Variants in MARCKSL1 observed in about 807,000 individuals in gnomAD.
MARCKSL1 encodes MARCKS like 1, also known as MARCKS-related protein.
A neutral mutation model predicts 13.3 loss-of-function variants in MARCKSL1; 5 were observed. The ratio of observed to expected loss-of-function variants is 0.38; its 90% CI spans 0.20 to 0.79. The LOEUF is 0.79. MARCKSL1 is among the 30% of genes least tolerant of loss of function. The pLI is 0.45. For synonymous variants in MARCKSL1, 126 were observed against 103.2 expected, an observed-to-expected ratio of 1.22 and a Z score of -1.34; for missense variants, 274 against 251.6, an observed-to-expected ratio of 1.09 and a Z score of -0.60.
Position 32,336,108 on chromosome 1 carries a change from C to T in MARCKSL1, c.-75G>A, listed in dbSNP as rs1419811289. ...AGGGGATAGTACGGCGGGGTCGGCC[C>T]GGCCGGCGGAGGGGTGGGGCTGGCG... On this transcript the variant is annotated 5_prime_UTR_variant, in exon 1 of 2. Transcript: ENST00000329421. The T allele has an allele frequency of 5.1e-5, 21 of 409,602 alleles. No individual in the cohort carries two copies. In the South Asian group the frequency reaches 6.1e-4, roughly 12 times the overall value. 25.4% of individuals were successfully genotyped at this position (409,602 alleles called of 1,614,324 possible). A position where few individuals can be genotyped will look rare whatever the true frequency, so the allele number is the denominator to read the frequency against.
chr1:32,335,862 G>T lies in MARCKSL1; in HGVS notation c.87+85C>A. The T allele has an allele frequency of 4.2e-6, 3 of 720,620 alleles. No individual in the cohort carries two copies. Among genetic ancestry groups the T allele is most frequent in the Non-Finnish European group, 5.7e-6 (3 of 529,122 alleles). 44.6% of individuals were successfully genotyped at this position (720,620 alleles called of 1,614,324 possible). On this transcript the variant is annotated intron_variant, in intron 1 of 1. Coordinates refer to ENST00000329421, the MANE Select transcript of MARCKSL1 (RefSeq NM_023009.7). The surrounding 1 kb of genome is among the most constrained non-coding windows in gnomAD (Gnocchi z 4.1). ...CCGCGTGTCCCGGGCCGGACAAAGC[G>T]CGCGGCCCCGGCCCCGGCCCCGGGC...
Position 32,336,198 on chromosome 1 carries a change from T to C in MARCKSL1, c.-165A>G, listed in dbSNP as rs1249745704. 2 of 336,786 alleles carry C rather than the reference T, an allele frequency of 5.9e-6. No individual in the cohort carries two copies. Among genetic ancestry groups the C allele is most frequent in the African/African-American group, 2.2e-5 (1 of 46,124 alleles). 20.9% of individuals were successfully genotyped at this position (336,786 alleles called of 1,614,324 possible). A position where few individuals can be genotyped will look rare whatever the true frequency, so the allele number is the denominator to read the frequency against. ...TCCGCTCCGCGGCCGACCCGCTAGC[T>C]GCGCCCGCCGCCGCTCCGCTCCGCG... On this transcript the variant is annotated 5_prime_UTR_variant, in exon 1 of 2. Transcript: ENST00000329421.
Position 32,335,968 on chromosome 1 carries a change from G to A in MARCKSL1, c.66C>T (p.Ser22=). The change falls in exon 1 of 2, where the codon TCC becomes TCT. Residue 22 remains serine (S), a synonymous_variant. Coordinates refer to ENST00000329421, the MANE Select transcript of MARCKSL1 (RefSeq NM_023009.7). The surrounding 1 kb of genome is among the most constrained non-coding windows in gnomAD (Gnocchi z 4.1). ...CCACCTGGCCGTTGGCCTTCGCGGG[G>A]GAAGCGCCTGCTGCCTCCTCGGCGG... ...DVTAEEAAGA[S]PAKANGQENG... 7.7e-7 allele frequency: 1 copy of A among 1,294,544 alleles called. No homozygotes were observed. The highest frequency in any genetic ancestry group is 9.8e-7 in the Non-Finnish European group (1 of 1,018,462). 80.2% of individuals were successfully genotyped at this position (1,294,544 alleles called of 1,614,324 possible).
Position 32,335,170 on chromosome 1 carries a change from G to A in MARCKSL1, c.88-73C>T, listed in dbSNP as rs1641365603. The A allele has an allele frequency of 7.2e-7, 1 of 1,383,314 alleles. No homozygotes were observed. Among genetic ancestry groups the A allele is most frequent in the Non-Finnish European group, 9.5e-7 (1 of 1,053,876 alleles). The allele number at this position is 1,383,314 out of a possible 1,614,324, so 85.7% of individuals were successfully genotyped here. A position where few individuals can be genotyped will look rare whatever the true frequency, so the allele number is the denominator to read the frequency against. On this transcript the variant is annotated intron_variant, in intron 1 of 1. Coordinates refer to ENST00000329421, the MANE Select transcript of MARCKSL1 (RefSeq NM_023009.7). The surrounding 1 kb of genome is among the most constrained non-coding windows in gnomAD (Gnocchi z 4.1). ...CAGCCCGCTTCTGATCCCTTCTAGA[G>A]GAAGGGGTCCTCGATTCGATTCTAC...
In MARCKSL1 at chr1:32,335,614, C is replaced by T. The variant is rs367738285; in HGVS notation, c.87+333G>A. 1.6e-4 allele frequency among the ~76,000 whole-genome samples: 24 copies of T among 151,746 alleles called. No homozygotes were observed. The highest frequency in any genetic ancestry group is 5.8e-4 in the East Asian group (3 of 5,162). ...TCGGCGGGTGGAGTGCGCTCCCCGC[C>T]GGGCCCCAGCTCCGCGGCCCCTGGG... On this transcript the variant is annotated intron_variant, in intron 1 of 1. Transcript: ENST00000329421. This position sits in a 1 kb window ranked among gnomAD's most constrained non-coding sequence, Gnocchi z 4.1.
At position 32,335,983 on chromosome 1, in the gene MARCKSL1, C is replaced by T. The variant is rs755990815; in HGVS notation, c.51G>A (p.Glu17=). Residue 17 remains glutamate (E), a synonymous_variant, in exon 1 of 2, where the codon GAG becomes GAA. Transcript: ENST00000329421. This position sits in a 1 kb window ranked among gnomAD's most constrained non-coding sequence, Gnocchi z 4.1. ...KAPRGDVTAE[E]AAGASPAKAN... ...CCTTCGCGGGGGAAGCGCCTGCTGC[C>T]TCCTCGGCGGTCACGTCGCCCCGGG... is the stretch of plus-strand genomic sequence containing the variant. The T allele has an allele frequency of 1.5e-6, 2 of 1,295,954 alleles. No individual in the cohort carries two copies. The highest frequency in any genetic ancestry group is 2.0e-6 in the Non-Finnish European group (2 of 1,019,678). The allele number at this position is 1,295,954 out of a possible 1,614,324, so 80.3% of individuals were successfully genotyped here.
In MARCKSL1 at chr1:32,334,759, T is replaced by G. The variant is rs201821149; in HGVS notation, c.426A>C (p.Glu142Asp). 17 of 1,611,782 alleles carry G rather than the reference T, an allele frequency of 1.1e-5. No homozygotes were observed. In the Admixed American group the frequency reaches 1.8e-4, roughly 17 times the overall value. ...TCTCAGGGGTGGCTGCGGCCTTCCC[T>G]TCCTGAGCAGTGCCCTCGTCGCTGC... ...GACSDEGTAQ[E>D]GKAAATPESQ... Residue 142 changes from glutamate to aspartate, a missense_variant, in exon 2 of 2, where the codon GAA becomes GAC. By Grantham distance (45) the Glu-to-Asp change is conservative. Transcript: ENST00000329421.
In MARCKSL1 at chr1:32,334,959, C is replaced by A. The variant is rs776609447; in HGVS notation, c.226G>T (p.Ala76Ser). ...EPAPPSQGAE[A>S]KGEVPPKETP... ...TCCTTGGGGGGGACCTCCCCCTTGG[C>A]CTCAGCACCCTGGCTAGGGGGTGCT... Residue 76 changes from alanine (A) to serine (S), a missense_variant, in exon 2 of 2, where the codon GCC becomes TCC. Physicochemically the swap from Ala to Ser is moderately conservative, Grantham distance 99. Transcript: ENST00000329421. 6.8e-6 allele frequency: 11 copies of A among 1,612,514 alleles called. No individual in the cohort carries two copies. Among genetic ancestry groups the A allele is most frequent in the Non-Finnish European group, 9.3e-6 (11 of 1,179,706 alleles).
Position 32,334,737 on chromosome 1 carries a change from C to T in MARCKSL1, c.448G>A (p.Glu150Lys), listed in dbSNP as rs1378358308. The T allele has an allele frequency of 1.2e-6, 2 of 1,612,128 alleles. No individual in the cohort carries two copies. Among genetic ancestry groups the T allele is most frequent in the Non-Finnish European group, 1.7e-6 (2 of 1,179,914 alleles). ...AQEGKAAATP[E>K]SQEPQAKGAE... ...CCCTTGGCCTGGGGTTCCTGGCTCT[C>T]AGGGGTGGCTGCGGCCTTCCCTTCC... The change falls in exon 2 of 2, where the codon GAG becomes AAG. Residue 150 changes from glutamate to lysine, a missense_variant. Coordinates refer to ENST00000329421, the MANE Select transcript of MARCKSL1 (RefSeq NM_023009.7).
Position 32,335,801 on chromosome 1 carries a change from C to T in MARCKSL1, c.87+146G>A. On this transcript the variant is annotated intron_variant, in intron 1 of 1. Coordinates refer to ENST00000329421, the MANE Select transcript of MARCKSL1 (RefSeq NM_023009.7). The surrounding 1 kb of genome is among the most constrained non-coding windows in gnomAD (Gnocchi z 4.1). ...CTCGCTTCGCCCGCGGGGGCTGCGGCGCCGAGAACAAAGGGACCGGGCGGG... is the reference window on the plus strand; with the variant it reads ...CTCGCTTCGCCCGCGGGGGCTGCGGTGCCGAGAACAAAGGGACCGGGCGGG... 3.1e-6 allele frequency: 1 copy of T among 318,922 alleles called. No homozygotes were observed. Among genetic ancestry groups the T allele is most frequent in the Non-Finnish European group, 5.4e-6 (1 of 184,010 alleles). 19.8% of individuals were successfully genotyped at this position (318,922 alleles called of 1,614,324 possible). A position where few individuals can be genotyped will look rare whatever the true frequency, so the allele number is the denominator to read the frequency against.
chr1:32,336,052 GGC>G lies in MARCKSL1; in HGVS notation c.-21_-20del. The G allele has an allele frequency of 7.8e-7, 1 of 1,275,810 alleles. No homozygotes were observed. The highest frequency in any genetic ancestry group is 9.9e-7 in the Non-Finnish European group (1 of 1,006,428). 79.0% of individuals were successfully genotyped at this position (1,275,810 alleles called of 1,614,324 possible). On this transcript the variant is annotated 5_prime_UTR_variant, in exon 1 of 2. Transcript: ENST00000329421. ...TGCCCATGATGGGGGTCTGCTGGGG[GGC>G]GCTTGGAGCCGCCCCGGGCTCGCGC...
At position 32,336,229 on chromosome 1, in the gene MARCKSL1, A is replaced by C; in HGVS notation, c.-196T>G. 2 of 310,740 alleles carry C rather than the reference A, an allele frequency of 6.4e-6. No homozygotes were observed. The highest frequency in any genetic ancestry group is 1.2e-5 in the Non-Finnish European group (2 of 169,854). The allele number at this position is 310,740 out of a possible 1,614,324, so 19.2% of individuals were successfully genotyped here. On this transcript the variant is annotated 5_prime_UTR_variant, in exon 1 of 2. Coordinates refer to ENST00000329421, the MANE Select transcript of MARCKSL1 (RefSeq NM_023009.7). Reference sequence around the variant, plus strand: ...CGCCGCCGCTCCGCTCCGCGCCAGAATGCCGCCCGCCGCCCGCCGAGCTGC... The same window carrying C: ...CGCCGCCGCTCCGCTCCGCGCCAGACTGCCGCCCGCCGCCCGCCGAGCTGC...
chr1:32,334,360 T>C lies in MARCKSL1; in HGVS notation c.*237A>G. The C allele has an allele frequency of 2.4e-6, 1 of 422,840 alleles. No homozygotes were observed. Among genetic ancestry groups the C allele is most frequent in the South Asian group, 7.5e-5 (1 of 13,398 alleles). 26.2% of individuals were successfully genotyped at this position (422,840 alleles called of 1,614,324 possible). On this transcript the variant is annotated 3_prime_UTR_variant, in exon 2 of 2. Coordinates refer to ENST00000329421, the MANE Select transcript of MARCKSL1 (RefSeq NM_023009.7). Reference sequence around the variant, plus strand: ...CAGGGACAGGAGCATTTCACATCACTAACCTAACTTGGGAAGCTGTAAGGG... The same window carrying C: ...CAGGGACAGGAGCATTTCACATCACCAACCTAACTTGGGAAGCTGTAAGGG...
At position 32,334,967 on chromosome 1, in the gene MARCKSL1, C is replaced by G; in HGVS notation, c.218G>C (p.Gly73Ala). The change falls in exon 2 of 2, where the codon GGT becomes GCT. Residue 73 changes from glycine to alanine, a missense_variant. Transcript: ENST00000329421. ...GGGGACCTCCCCCTTGGCCTCAGCA[C>G]CCTGGCTAGGGGGTGCTGGCTCGAT... The part of the protein sequence containing the change: ...DAIEPAPPSQ[G>A]AEAKGEVPPK... 1.9e-6 allele frequency: 3 copies of G among 1,612,604 alleles called. No individual in the cohort carries two copies. The highest frequency in any genetic ancestry group is 2.5e-6 in the Non-Finnish European group (3 of 1,179,626).
In MARCKSL1 at chr1:32,335,397, A is replaced by G. The variant is rs1411789532; in HGVS notation, c.88-300T>C. Reference sequence around the variant, plus strand: ...GAACCGCTCCGGATCTGCTGTGCGGATCCCGGGCAGGCGGGCGAGCCGCTC... The same window carrying G: ...GAACCGCTCCGGATCTGCTGTGCGGGTCCCGGGCAGGCGGGCGAGCCGCTC... On this transcript the variant is annotated intron_variant, in intron 1 of 1. Coordinates refer to ENST00000329421, the MANE Select transcript of MARCKSL1 (RefSeq NM_023009.7). This position sits in a 1 kb window ranked among gnomAD's most constrained non-coding sequence, Gnocchi z 4.1. Among the ~76,000 whole-genome samples, 1 of 148,538 alleles carries G rather than the reference A, an allele frequency of 6.7e-6. No homozygotes were observed. The highest frequency in any genetic ancestry group is 3.7e-3 in the Middle Eastern group (1 of 268).
Position 32,335,821 on chromosome 1 carries a change from G to A in MARCKSL1, c.87+126C>T. ...TGCGGCGCCGAGAACAAAGGGACCG[G>A]GCGGGGGAGGGGGCGCCGCGTGTCC... On this transcript the variant is annotated intron_variant, in intron 1 of 1. Transcript: ENST00000329421. This position sits in a 1 kb window ranked among gnomAD's most constrained non-coding sequence, Gnocchi z 4.1. 4 of 403,444 alleles carry A rather than the reference G, an allele frequency of 9.9e-6. No individual in the cohort carries two copies. The highest frequency in any genetic ancestry group is 1.2e-5 in the Non-Finnish European group (3 of 246,288). The allele number at this position is 403,444 out of a possible 1,614,324, so 25.0% of individuals were successfully genotyped here.
rs919373946 is a variant in MARCKSL1, at chr1:32,336,087, G to A, written c.-54C>T. On this transcript the variant is annotated 5_prime_UTR_variant, in exon 1 of 2. Coordinates refer to ENST00000329421, the MANE Select transcript of MARCKSL1 (RefSeq NM_023009.7). The stretch of plus-strand genomic sequence containing the variant: ...GCCGCCCCGGGCTCGCGCCGCAGGG[G>A]ATAGTACGGCGGGGTCGGCCCGGCC... 7 of 868,166 alleles carry A rather than the reference G, an allele frequency of 8.1e-6. No individual in the cohort carries two copies. The highest frequency in any genetic ancestry group is 1.8e-5 in the African/African-American group (1 of 54,682). The allele number at this position is 868,166 out of a possible 1,614,324, so 53.8% of individuals were successfully genotyped here.
In MARCKSL1 at chr1:32,334,519, G is replaced by T; in HGVS notation, c.*78C>A. 3.5e-6 allele frequency: 5 copies of T among 1,434,738 alleles called. No individual in the cohort carries two copies. The South Asian group carries it at 7.9e-5, about 23-fold the overall frequency. 88.9% of individuals were successfully genotyped at this position (1,434,738 alleles called of 1,614,324 possible). ...TTCTGGGCACAGGAAGGCAGCCAGG[G>T]CACCAGGTCCAGGCAGTGACCTCAC... On this transcript the variant is annotated 3_prime_UTR_variant, in exon 2 of 2. Transcript: ENST00000329421.
rs1641370858 is a variant in MARCKSL1, at chr1:32,335,367, GCGCGGA to G, written c.88-276_88-271del. ...TCCCCCGGGGCGCGCTCTCTATTCCGCGCGGAACCGCTCCGGATCTGCTGTGCGGAT... is the reference window on the plus strand; with the variant it reads ...TCCCCCGGGGCGCGCTCTCTATTCCGACCGCTCCGGATCTGCTGTGCGGAT... On this transcript the variant is annotated intron_variant, in intron 1 of 1. Coordinates refer to ENST00000329421, the MANE Select transcript of MARCKSL1 (RefSeq NM_023009.7). This position sits in a 1 kb window ranked among gnomAD's most constrained non-coding sequence, Gnocchi z 4.1. Among the ~76,000 whole-genome samples, 1 of 149,578 alleles carries G rather than the reference GCGCGGA, an allele frequency of 6.7e-6. No individual in the cohort carries two copies. The highest frequency in any genetic ancestry group is 6.6e-5 in the Admixed American group (1 of 15,092).
Sources: gnomAD v4.1 joint callset for allele counts (sites outside exome capture counted in the v4.1 genomes callset) on GRCh38, gnomAD v4.1.1 for gene constraint, Gnocchi (gnomAD v3.1) non-coding constraint, MANE v1.5 for transcripts, NCBI Gene and HGNC (gene_info 2026-07-23, HGNC 2026-07-21) for gene names.